The following ANKIB1 variants were observed in gnomAD, a reference collection of about 807,000 sequenced individuals.
ANKIB1 encodes ankyrin repeat and IBR domain-containing protein 1.
In ANKIB1, 43 loss-of-function variants were observed where a neutral mutation model predicts 122.1. The observed-to-expected ratio is 0.35, with a 90% CI of 0.28 to 0.45. ANKIB1 has a LOEUF of 0.45. Ranked by LOEUF, ANKIB1 falls within the 20% of genes least tolerant of loss-of-function variation. ANKIB1 has a pLI of 1.00. For synonymous variants in ANKIB1, 390 were observed against 442.0 expected (o/e 0.88, Z 1.48); for missense variants, 992 against 1,329.5 (o/e 0.75, Z 3.95).
At chr7:92,286,831 C>A (rs768965842) in intron 1 of ANKIB1, among the ~76,000 whole-genome samples, 102 of 152,106 alleles carry the variant, frequency 6.7e-4, no homozygotes, top group Non-Finnish European at 1.2e-3. Flanking sequence ...ATTAATAACC[C>A]ATACTGCTAT....
chr7:92,389,875 CT>C, intron 14 of ANKIB1, 95 bp from the exon 15 acceptor site: 1 of 1,328,152 alleles, frequency 7.5e-7, no homozygotes, highest in Non-Finnish European at 1.0e-6. Context: ...AATGATCCTT[CT>C]TTTTCCTTTT....
At chr7:92,373,900 CT>C (rs1266218911) in intron 11 of ANKIB1, among the ~76,000 whole-genome samples, 2 of 152,130 alleles carry the variant, frequency 1.3e-5, no homozygotes, top group African/African-American at 4.8e-5. Context: ...ATTGTGCATT[CT>C]TAAATATTTT....
At chr7:92,331,610 T>C (rs1418652717) in intron 5 of ANKIB1, among the ~76,000 whole-genome samples, 8 of 152,116 alleles carry the variant, frequency 5.3e-5, no homozygotes, top group African/African-American at 1.9e-4. Flanking sequence ...GGGGATTATC[T>C]AGGCCTACTA....
Position 92,398,337 on chromosome 7 carries a change from T to G in ANKIB1, c.2658T>G (p.Gly886=). 6.2e-7 allele frequency: 1 copy of G among 1,613,566 alleles called. No homozygotes were observed. The highest frequency in any genetic ancestry group is 8.5e-7 in the Non-Finnish European group (1 of 1,179,722). ...RDFLSNEASL[G]AIGTSLPSRL... is the part of the protein sequence containing the mutation. ...TCCTCAGTAATGAAGCATCCTTAGG[T>G]GCGATAGGCACTTCTTTACCTTCCA... The change falls in exon 20 of 20, where the codon GGT becomes GGG. Residue 886 remains glycine (G), a synonymous_variant. Transcript: ENST00000265742.
At chr7:92,278,015 C>T (rs952458611) in intron 1 of ANKIB1, among the ~76,000 whole-genome samples, 7 of 150,984 alleles carry the variant, frequency 4.6e-5, no homozygotes, top group African/African-American at 1.7e-4. Context: ...ACCTGGGAGG[C>T]GGAGGTTGCA....
At chr7:92,286,206 T>C (rs947180972) in intron 1 of ANKIB1, among the ~76,000 whole-genome samples, 1 of 152,214 alleles carries the variant, frequency 6.6e-6, no homozygotes, top group Admixed American at 6.5e-5. Context: ...GTATGCATAT[T>C]GAACCTAGAT....
chr7:92,366,060 G>A (rs1045274793), intron 10 of ANKIB1, among the ~76,000 whole-genome samples: 5 of 151,892 alleles, frequency 3.3e-5, no homozygotes, highest in African/African-American at 1.2e-4. Context: ...CCAAAGTGCT[G>A]GGATTACAGA....
chr7:92,270,683 A>G (rs1222256241), intron 1 of ANKIB1, among the ~76,000 whole-genome samples: 2 of 141,688 alleles, frequency 1.4e-5, no homozygotes, highest in Non-Finnish European at 3.0e-5. Context: ...ACCCTCTGCC[A>G]CTCGCTAGCC....
chr7:92,357,160 C>T (rs1465873616), intron 9 of ANKIB1, among the ~76,000 whole-genome samples: 1 of 152,150 alleles, frequency 6.6e-6, no homozygotes, highest in African/African-American at 2.4e-5. Flanking sequence ...AAGAAGAGAG[C>T]CATTCCTTGA....
intron 1 of ANKIB1, among the ~76,000 whole-genome samples, chr7:92,272,215 G>A (rs778224953): frequency 2.6e-5 from 4 of 151,978 alleles, no homozygotes; most frequent in Non-Finnish European, 4.4e-5. Flanking sequence ...AAACAGAACC[G>A]CACCAAGGCA....
At chr7:92,373,955 CG>C (rs1353350898) in intron 11 of ANKIB1, among the ~76,000 whole-genome samples, 2 of 151,996 alleles carry the variant, frequency 1.3e-5, no homozygotes, top group African/African-American at 4.8e-5. Context: ...TATGCTATAA[CG>C]TTTTTTCCAT....
chr7:92,273,955 T>C (rs1192239297), intron 1 of ANKIB1, among the ~76,000 whole-genome samples: 1 of 151,944 alleles, frequency 6.6e-6, no homozygotes, highest in African/African-American at 2.4e-5. Context: ...TTATTTTTTG[T>C]AGAGATGAAG....
intron 11 of ANKIB1, among the ~76,000 whole-genome samples, chr7:92,383,218 A>C (rs968380383): frequency 6.6e-6 from 1 of 152,198 alleles, no homozygotes; most frequent in Non-Finnish European, 1.5e-5. Flanking sequence ...GAATAGACCA[A>C]TAATAGGCTC....
intron 9 of ANKIB1, among the ~76,000 whole-genome samples, chr7:92,361,633 A>G (rs1803947124): frequency 6.6e-6 from 1 of 152,128 alleles, no homozygotes; most frequent in Non-Finnish European, 1.5e-5. Flanking sequence ...ATATTAATCT[A>G]TTTAGAACTT....
chr7:92,388,454 G>A (rs1400784134), intron 14 of ANKIB1, among the ~76,000 whole-genome samples: 1 of 152,216 alleles, frequency 6.6e-6, no homozygotes, highest in Non-Finnish European at 1.5e-5. Flanking sequence ...GAGTGCCTAA[G>A]GGCGTGGAAG....
intron 7 of ANKIB1, among the ~76,000 whole-genome samples, chr7:92,345,532 A>G (rs763514493): frequency 6.6e-6 from 1 of 152,214 alleles, no homozygotes; most frequent in African/African-American, 2.4e-5. Flanking sequence ...ATAGTTGGGT[A>G]TATTTTACCA....
chr7:92,305,920 G>A (rs1319921961), intron 2 of ANKIB1, among the ~76,000 whole-genome samples: 18 of 152,076 alleles, frequency 1.2e-4, no homozygotes, highest in Non-Finnish European at 7.4e-5. Flanking sequence ...GATGATCCTC[G>A]AGACCATGGA....
intron 5 of ANKIB1, among the ~76,000 whole-genome samples, chr7:92,339,372 A>G (rs1353952397): frequency 6.6e-6 from 1 of 152,100 alleles, no homozygotes; most frequent in African/African-American, 2.4e-5. Flanking sequence ...TTATGAAACC[A>G]TGTGAACCCT....
chr7:92,280,371 T>G (rs1412220757), intron 1 of ANKIB1, among the ~76,000 whole-genome samples: 1 of 151,950 alleles, frequency 6.6e-6, no homozygotes, highest in Non-Finnish European at 1.5e-5. Context: ...GTGGGAGGAT[T>G]TGTGTAGATC....
Sources: allele counts gnomAD v4.1 joint callset (sites outside exome capture counted in the v4.1 genomes callset), GRCh38; gene constraint gnomAD v4.1.1; transcripts MANE v1.5; gene names NCBI Gene and HGNC (gene_info 2026-07-23, HGNC 2026-07-21).